TLL1: variants seen among roughly 807,000 people sequenced by gnomAD.
TLL1 encodes the protein tolloid-like protein 1.
Under a neutral mutation model 128.2 loss-of-function variants are expected in TLL1, and 49 were observed. That is an observed-to-expected ratio of 0.38 (90% CI 0.30 to 0.48). The LOEUF (loss-of-function observed/expected upper bound fraction) is 0.48. Ranked by LOEUF, TLL1 falls within the 20% of genes least tolerant of loss-of-function variation. The probability of loss-of-function intolerance (pLI) is 0.96; values close to 1 mark genes in which losing one functional copy is unlikely to be tolerated. For synonymous variants in TLL1, 454 were observed against 418.8 expected (o/e 1.08, Z -1.03); for missense variants, 1,123 against 1,242.0 (o/e 0.90, Z 1.44).
At chr4:166,013,577 A>T (rs957772179) in intron 7 of TLL1, among the ~76,000 whole-genome samples, 1 of 151,734 alleles carries the variant, frequency 6.6e-6, no homozygotes, top group Non-Finnish European at 1.5e-5. Flanking sequence ...AAATCCACAA[A>T]CACACAACTC....
At chr4:166,076,441 G>T (rs1741031291) in intron 17 of TLL1, among the ~76,000 whole-genome samples, 1 of 152,134 alleles carries the variant, frequency 6.6e-6, no homozygotes, top group African/African-American at 2.4e-5. Flanking sequence ...AGCTTTTATA[G>T]ATTATACATG....
intron 1 of TLL1, among the ~76,000 whole-genome samples, chr4:165,879,079 G>C (rs1434407227): frequency 6.6e-6 from 1 of 151,636 alleles, no homozygotes; most frequent in African/African-American, 2.4e-5. Flanking sequence ...ACAGGTGCAT[G>C]CCACCATGCC....
At chr4:166,094,046 T>C (rs1741904026) in intron 19 of TLL1, among the ~76,000 whole-genome samples, 1 of 152,296 alleles carries the variant, frequency 6.6e-6, no homozygotes, top group Middle Eastern at 3.4e-3. Flanking sequence ...CCTTTCTACA[T>C]AGACACAGTA....
chr4:166,043,480 G>C lies in TLL1; in HGVS notation c.1524+61G>C, dbSNP rs370792414. On this transcript the variant is annotated intron_variant, in intron 12 of 20. Transcript: ENST00000061240. The stretch of plus-strand genomic sequence containing the variant: ...CTCCATAAACGACAATGGCATTTAA[G>C]AGAATCCTCATTAAATCAGCAAAGA... 17 of 1,604,184 alleles carry C rather than the reference G, an allele frequency of 1.1e-5. No homozygotes were observed. The African/African-American group carries it at 1.9e-4, about 18-fold the overall frequency.
intron 12 of TLL1, among the ~76,000 whole-genome samples, chr4:166,047,969 G>A (rs182605929): frequency 6.6e-6 from 1 of 152,048 alleles, no homozygotes; most frequent in African/African-American, 2.4e-5. Context: ...AGGTGCTGTG[G>A]CTCATGCCTG....
chr4:165,889,962 G>GTT (rs753135804), intron 1 of TLL1, among the ~76,000 whole-genome samples: 2 of 152,070 alleles, frequency 1.3e-5, no homozygotes, highest in Non-Finnish European at 2.9e-5. Flanking sequence ...AACTTATAAA[G>GTT]GAAAGAGGTT....
chr4:165,894,396 A>G (rs967153710), intron 1 of TLL1, among the ~76,000 whole-genome samples: 2 of 152,192 alleles, frequency 1.3e-5, no homozygotes, highest in African/African-American at 2.4e-5. Context: ...ATTGTAAGCA[A>G]TGCAAACTGG....
chr4:165,978,412 C>T (rs1324377487), intron 1 of TLL1, among the ~76,000 whole-genome samples: 1 of 151,992 alleles, frequency 6.6e-6, no homozygotes, highest in Non-Finnish European at 1.5e-5. Context: ...ATTTCAGAAT[C>T]AGCCTTCTTC....
intron 13 of TLL1, 35 bp from the exon 14 acceptor site, chr4:166,057,149 G>T: frequency 6.2e-7 from 1 of 1,611,244 alleles, no homozygotes; most frequent in Non-Finnish European, 8.5e-7. Context: ...ACATATATAT[G>T]TATAGTTGTT....
chr4:165,963,024 C>T (rs1284805325), intron 1 of TLL1, among the ~76,000 whole-genome samples: 4 of 124,932 alleles, frequency 3.2e-5, no homozygotes, highest in Admixed American at 1.0e-4. Context: ...CATTGCACTC[C>T]AGTCTGGGTG....
chr4:165,956,171 AG>A (rs1734781365), intron 1 of TLL1, among the ~76,000 whole-genome samples: 1 of 152,138 alleles, frequency 6.6e-6, no homozygotes, highest in African/African-American at 2.4e-5. Context: ...CACAAGGCAA[AG>A]GGCAAAAGCA....
intron 1 of TLL1, among the ~76,000 whole-genome samples, chr4:165,947,834 T>C (rs1734328083): frequency 6.6e-6 from 1 of 152,104 alleles, no homozygotes; most frequent in African/African-American, 2.4e-5. Flanking sequence ...CCCTGTTAAA[T>C]TAATGCCAAA....
intron 15 of TLL1, among the ~76,000 whole-genome samples, chr4:166,065,287 A>G (rs1427815260): frequency 1.3e-5 from 2 of 152,082 alleles, no homozygotes; most frequent in African/African-American, 2.4e-5. Context: ...TTTATTATAC[A>G]TCAAGTATCC....
intron 5 of TLL1, among the ~76,000 whole-genome samples, chr4:166,001,329 C>T (rs1737142394): frequency 6.6e-6 from 1 of 152,008 alleles, no homozygotes; most frequent in Admixed American, 6.6e-5. Flanking sequence ...ATTGTAGCTA[C>T]TATAATATTA....
At chr4:165,982,771 C>T (rs550374551) in intron 1 of TLL1, among the ~76,000 whole-genome samples, 1 of 148,122 alleles carries the variant, frequency 6.8e-6, no homozygotes, top group African/African-American at 2.5e-5. Flanking sequence ...CATGAACTGT[C>T]TTACTTCCAG....
At chr4:166,000,685 T>C (rs955134166) in intron 5 of TLL1, among the ~76,000 whole-genome samples, 3 of 152,192 alleles carry the variant, frequency 2.0e-5, no homozygotes, top group Admixed American at 2.0e-4. Context: ...GTAGCAAATA[T>C]TTTAGTTTAA....
At chr4:166,005,885 G>A (rs12331800) in intron 6 of TLL1, among the ~76,000 whole-genome samples, 2,719 of 151,840 alleles carry the variant, frequency 0.018, 72 homozygotes, top group East Asian at 0.057. Context: ...AAATAAATGC[G>A]CAATCCTAAA....
chr4:165,873,449 C>A lies in TLL1; in HGVS notation c.-456C>A. Reference sequence around the variant, plus strand: ...GCTTTGGGCTCAGGCGGCGGCGGCTCGCGCTCGGCCGCGGAGTCCTGGCAG... The same window carrying A: ...GCTTTGGGCTCAGGCGGCGGCGGCTAGCGCTCGGCCGCGGAGTCCTGGCAG... On this transcript the variant is annotated 5_prime_UTR_variant, in exon 1 of 21. Transcript: ENST00000061240. 6.5e-6 allele frequency: 1 copy of A among 153,248 alleles called. No individual in the cohort carries two copies. Among genetic ancestry groups the A allele is most frequent in the South Asian group, 2.0e-4 (1 of 4,904 alleles). The allele number at this position is 153,248 out of a possible 1,614,324, so 9.5% of individuals were successfully genotyped here. A position where few individuals can be genotyped will look rare whatever the true frequency, so the allele number is the denominator to read the frequency against.
intron 1 of TLL1, among the ~76,000 whole-genome samples, chr4:165,886,044 A>G (rs1049846184): frequency 1.9e-5 from 2 of 106,272 alleles, no homozygotes; most frequent in African/African-American, 7.8e-5. Flanking sequence ...AACTCATTTT[A>G]TGTATTTTTT....
Sources: allele counts gnomAD v4.1 joint callset (sites outside exome capture counted in the v4.1 genomes callset), GRCh38; gene constraint gnomAD v4.1.1; transcripts MANE v1.5; gene names NCBI Gene and HGNC (gene_info 2026-07-23, HGNC 2026-07-21).